The following CACNA1H variants were observed in gnomAD, a reference collection of about 807,000 sequenced individuals.
The protein encoded by CACNA1H is voltage-dependent T-type calcium channel subunit alpha-1H.
Under a neutral mutation model 192.5 loss-of-function variants are expected in CACNA1H, and 149 were observed. That is an observed-to-expected ratio of 0.77 (90% CI 0.68 to 0.89). The LOEUF (loss-of-function observed/expected upper bound fraction) is 0.89. Among genes scored for constraint, CACNA1H ranks in the 40% least tolerant of loss-of-function variants. The probability of loss-of-function intolerance (pLI) is 0.00; values close to 1 mark genes in which losing one functional copy is unlikely to be tolerated. For missense variants in CACNA1H, 4,257 were observed against 3,423.5 expected, an observed-to-expected ratio of 1.24 and a Z score of -6.08; for synonymous variants, 2,202 against 1,475.2, an observed-to-expected ratio of 1.49 and a Z score of -11.29.
At position 1,220,787 on chromosome 16, in the gene CACNA1H, C is replaced by T. The variant is rs757900694; in HGVS notation, c.6855C>T (p.Ser2285=). ...VPSGDPFLDG[S]HSVTPESRAS... is the part of the protein sequence containing the mutation. ...GTGGAGACCCTTTCTTGGACGGTAG[C>T]CACAGTGTGACCCCAGAATCCAGAG... The change falls in exon 35 of 35, where the codon AGC becomes AGT. Residue 2285 remains serine (S), a synonymous_variant. Coordinates refer to ENST00000348261, the MANE Select transcript of CACNA1H (RefSeq NM_021098.3). 1.9e-6 allele frequency: 3 copies of T among 1,612,596 alleles called. No homozygotes were observed. Among genetic ancestry groups the T allele is most frequent in the South Asian group, 1.1e-5 (1 of 91,084 alleles).
chr16:1,198,792 C>T lies in CACNA1H; in HGVS notation c.803+18C>T, dbSNP rs752498081. ...TTTGTCAGGTGCCCAGGCCCCACCC[C>T]CGTGAGGCCCCTGCCCAGATGGCCC... On this transcript the variant is annotated intron_variant, in intron 6 of 34. Coordinates refer to ENST00000348261, the MANE Select transcript of CACNA1H (RefSeq NM_021098.3). 58 of 1,599,672 alleles carry T rather than the reference C, an allele frequency of 3.6e-5. No individual in the cohort carries two copies. Among genetic ancestry groups the T allele is most frequent in the Non-Finnish European group, 4.9e-5 (57 of 1,174,412 alleles).
intron 15 of CACNA1H, 23 bp downstream of exon 15, chr16:1,207,883 C>T: frequency 6.4e-7 from 1 of 1,569,492 alleles, no homozygotes; most frequent in Non-Finnish European, 8.6e-7. Flanking sequence ...GGTGGGTGGT[C>T]CGGGTTCTGG....
At chr16:1,211,425 C>G (rs558697263) in intron 22 of CACNA1H, 56 bp from the exon 23 acceptor site, 1 of 1,609,662 alleles carries the variant, frequency 6.2e-7, no homozygotes, top group South Asian at 1.1e-5. Flanking sequence ...CCAGGAAGTC[C>G]GGTGTGGGGT....
At chr16:1,162,447 G>A (rs1963304171) in intron 2 of CACNA1H, among the ~76,000 whole-genome samples, 1 of 152,206 alleles carries the variant, frequency 6.6e-6, no homozygotes, top group African/African-American at 2.4e-5. Context: ...GCCCCTTTCA[G>A]GATGAATCGC....
At position 1,218,981 on chromosome 16, in the gene CACNA1H, T is replaced by C; in HGVS notation, c.5899T>C (p.Ser1967Pro). 6.5e-7 allele frequency: 1 copy of C among 1,550,188 alleles called. No homozygotes were observed. Among genetic ancestry groups the C allele is most frequent in the African/African-American group, 1.4e-5 (1 of 73,130 alleles). ...GAGTPLGSVA[S>P]VHSPPAESCA... ...CTTCCCTGCCCCAGGCTCCGTTGCCTCTGTGCACTCTCCGCCCGCAGAGTC... is the reference window on the plus strand; with the variant it reads ...CTTCCCTGCCCCAGGCTCCGTTGCCCCTGTGCACTCTCCGCCCGCAGAGTC... The change falls in exon 34 of 35, where the codon TCT (serine) becomes CCT (proline). Residue 1967 changes from serine to proline, a missense_variant. By Grantham distance (74) the Ser-to-Pro change is moderately conservative (BLOSUM62 -1). Transcript: ENST00000348261.
chr16:1,183,103 A>G (rs1405762291), intron 2 of CACNA1H, among the ~76,000 whole-genome samples: 1 of 92,544 alleles, frequency 1.1e-5, no homozygotes, highest in Non-Finnish European at 2.0e-5. Flanking sequence ...CTGGGGTGGG[A>G]CACGGTGGGG....
At chr16:1,206,367 C>T (rs894163363) in intron 12 of CACNA1H, 78 bp downstream of exon 12, 79 of 1,400,626 alleles carry the variant, frequency 5.6e-5, no homozygotes, top group African/African-American at 2.4e-4. Flanking sequence ...GGGCACCCCC[C>T]GAAGGAGAAG....
intron 25 of CACNA1H, 58 bp downstream of exon 25, chr16:1,212,196 C>T (rs753835123): frequency 1.3e-6 from 2 of 1,524,882 alleles, no homozygotes; most frequent in East Asian, 2.4e-5. Context: ...GCCCACCGGG[C>T]CCTCCAGCCC....
chr16:1,170,176 C>G (rs1964219019), intron 2 of CACNA1H, among the ~76,000 whole-genome samples: 1 of 152,078 alleles, frequency 6.6e-6, no homozygotes, highest in Admixed American at 6.5e-5. Flanking sequence ...CACCCTGACC[C>G]CAGCCCACCC....
chr16:1,164,645 G>A (rs1480604691), intron 2 of CACNA1H, among the ~76,000 whole-genome samples: 1 of 152,266 alleles, frequency 6.6e-6, no homozygotes, highest in Non-Finnish European at 1.5e-5. Context: ...ACAGAATGGG[G>A]CACAGTTAAA....
At position 1,220,432 on chromosome 16, in the gene CACNA1H, A is replaced by G. The variant is rs574490640; in HGVS notation, c.6500A>G (p.Glu2167Gly). ...SAELGSGEPG[E>G]AKAWGPEAEP... ...GAGCTGGGCAGCGGGGAGCCTGGGG[A>G]GGCGAAGGCCTGGGGCCCTGAGGCC... The change falls in exon 35 of 35, where the codon GAG becomes GGG. Residue 2167 changes from glutamate to glycine, a missense_variant. Transcript: ENST00000348261. 2 of 1,534,498 alleles carry G rather than the reference A, an allele frequency of 1.3e-6. No homozygotes were observed. The highest frequency in any genetic ancestry group is 2.3e-5 in the East Asian group (1 of 43,414).
In CACNA1H at chr16:1,207,854, A is replaced by T. The variant is rs1239993965; in HGVS notation, c.3148A>T (p.Thr1050Ser). The T allele has an allele frequency of 8.2e-6, 13 of 1,592,124 alleles. No homozygotes were observed. Among genetic ancestry groups the T allele is most frequent in the Non-Finnish European group, 1.1e-5 (13 of 1,169,904 alleles). The change falls in exon 15 of 35, where the codon ACC becomes TCC. Residue 1050 changes from threonine to serine, a missense_variant. Physicochemically the swap from Thr to Ser is moderately conservative, Grantham distance 58. Coordinates refer to ENST00000348261, the MANE Select transcript of CACNA1H (RefSeq NM_021098.3). ...CTTCCACAAGCTCAGAGAACTCCAG[A>T]CCACAGGTGCGTGTGGTCGGTGGGT... ...EDFHKLRELQ[T>S]TELKMCSLAV...
chr16:1,204,363 C>T lies in CACNA1H; in HGVS notation c.2356C>T (p.Leu786=), dbSNP rs201386848. Residue 786 remains leucine (L), a synonymous_variant, in exon 10 of 35, where the codon CTG becomes TTG. Coordinates refer to ENST00000348261, the MANE Select transcript of CACNA1H (RefSeq NM_021098.3). ...GRLWVTFSGK[L]RRIVDSKYFS... is the part of the protein sequence containing the mutation. ...CCTCTGGGTTACCTTCAGCGGCAAG[C>T]TGCGCCGCATCGTGGACAGCAAGTA... The T allele has an allele frequency of 4.9e-5, 77 of 1,574,970 alleles. No homozygotes were observed. The African/African-American group carries it at 9.2e-4, about 19-fold the overall frequency.
intron 4 of CACNA1H, 95 bp downstream of exon 4, chr16:1,195,660 G>A (rs1966882551): frequency 2.1e-6 from 3 of 1,406,172 alleles, no homozygotes; most frequent in Admixed American, 4.2e-5. Flanking sequence ...AAAATGGGAG[G>A]TGTGTTCTAG....
chr16:1,183,336 CG>C (rs1965661701), intron 2 of CACNA1H, among the ~76,000 whole-genome samples: 1 of 152,162 alleles, frequency 6.6e-6, no homozygotes. Flanking sequence ...TAAAACCCTG[CG>C]GTGGCTTCTC....
intron 34 of CACNA1H, among the ~76,000 whole-genome samples, chr16:1,219,469 T>G (rs936536746): frequency 6.6e-6 from 1 of 151,838 alleles, no homozygotes; most frequent in East Asian, 1.9e-4. Context: ...GGCGGGCAGA[T>G]GGCAGTTTCT....
At chr16:1,171,027 C>T (rs1964315625) in intron 2 of CACNA1H, among the ~76,000 whole-genome samples, 1 of 152,120 alleles carries the variant, frequency 6.6e-6, no homozygotes, top group African/African-American at 2.4e-5. Flanking sequence ...CCCCCAACCA[C>T]TGCACCCATA....
At chr16:1,212,193 G>A (rs760654117) in intron 25 of CACNA1H, 55 bp downstream of exon 25, 7 of 1,539,736 alleles carry the variant, frequency 4.5e-6, no homozygotes, top group South Asian at 2.4e-5. Context: ...TGTGCCCACC[G>A]GGCCCTCCAG....
Position 1,201,803 on chromosome 16 carries a change from C to G in CACNA1H, c.1353C>G (p.Ser451=). Residue 451 remains serine, a synonymous_variant, in exon 9 of 35, where the codon TCC becomes TCG. Transcript: ENST00000348261. Reference sequence around the variant, plus strand: ...ACGACAGCACGCTGGCCAGCTTCTCCGAGCCTGGCAGCTGCTACGAAGAGC... The same window carrying G: ...ACGACAGCACGCTGGCCAGCTTCTCGGAGCCTGGCAGCTGCTACGAAGAGC... The part of the protein sequence containing the change: ...LSNDSTLASF[S]EPGSCYEELL... The G allele has an allele frequency of 6.3e-7, 1 of 1,590,924 alleles. No homozygotes were observed. Among genetic ancestry groups the G allele is most frequent in the Non-Finnish European group, 8.5e-7 (1 of 1,169,634 alleles).
Sources: allele counts gnomAD v4.1 joint callset (sites outside exome capture counted in the v4.1 genomes callset), GRCh38; gene constraint gnomAD v4.1.1; transcripts MANE v1.5; gene names NCBI Gene and HGNC (gene_info 2026-07-23, HGNC 2026-07-21).